Variants in NRXN3 observed in about 807,000 individuals in gnomAD.
NRXN3 encodes the protein neurexin III.
Under a neutral mutation model 137.6 loss-of-function variants are expected in NRXN3, and 32 were observed. The observed-to-expected ratio is 0.23, with a 90% CI of 0.18 to 0.31. The LOEUF (loss-of-function observed/expected upper bound fraction) is 0.31. Ranked by LOEUF, NRXN3 falls within the 10% of genes least tolerant of loss-of-function variation. NRXN3 has a pLI of 1.00. For synonymous variants in NRXN3, 798 were observed against 784.5 expected, an observed-to-expected ratio of 1.02 and a Z score of -0.29; for missense variants, 1,574 against 2,062.5, an observed-to-expected ratio of 0.76 and a Z score of 4.59.
chr14:78,497,931 AAT>A (rs545880058), intron 4 of NRXN3, among the ~76,000 whole-genome samples: 65 of 152,192 alleles, frequency 4.3e-4, no homozygotes, highest in African/African-American at 1.3e-3. Context: ...GTCCCGGAGG[AAT>A]AGTTTTAGTA....
At chr14:78,303,469 A>T (rs2077066698) in intron 4 of NRXN3, among the ~76,000 whole-genome samples, 1 of 152,160 alleles carries the variant, frequency 6.6e-6, no homozygotes. Flanking sequence ...TCTTGCTGTC[A>T]TTTATCTTCC....
chr14:78,314,995 T>TCCTTCCTTCCTTCCTTTC (rs1567236199), intron 4 of NRXN3, among the ~76,000 whole-genome samples: 10 of 19,988 alleles, frequency 5.0e-4, no homozygotes, highest in East Asian at 3.9e-3. Context: ...TCCTTTCTCT[T>TCCTTCCTTCCTTCCTTTC]TCTTTCTTTC....
chr14:78,930,595 G>T (rs1171445829), intron 10 of NRXN3, among the ~76,000 whole-genome samples: 2 of 152,156 alleles, frequency 1.3e-5, no homozygotes, highest in Admixed American at 1.3e-4. Flanking sequence ...TTAAGCTAAG[G>T]CAGGGAAGAA....
intron 16 of NRXN3, among the ~76,000 whole-genome samples, chr14:79,553,639 CAGA>C (rs753441851): frequency 6.6e-6 from 1 of 152,142 alleles, no homozygotes; most frequent in Non-Finnish European, 1.5e-5. Flanking sequence ...GGTATCTGCA[CAGA>C]AGGAGGAAGG....
chr14:79,496,277 G>A lies in NRXN3; in HGVS notation c.3444+28875G>A, dbSNP rs1350593864. Among the ~76,000 whole-genome samples the A allele has an allele frequency of 3.5e-5, 5 of 142,152 alleles. No homozygotes were observed. In the East Asian group the frequency reaches 1.1e-3, roughly 31 times the overall value. The allele number at this position is 142,152 out of a possible 152,430, so 93.3% of individuals were successfully genotyped here. A position where few individuals can be genotyped will look rare whatever the true frequency, so the allele number is the denominator to read the frequency against. On this transcript the variant is annotated intron_variant, in intron 16 of 20. Transcript: ENST00000335750. ...CACAGACACACACACACACACACAC[G>A]ACAACTGTGAGCTGTAAATCCATGG...
chr14:79,054,118 C>T (rs2099648877), intron 15 of NRXN3, among the ~76,000 whole-genome samples: 1 of 129,738 alleles, frequency 7.7e-6, no homozygotes, highest in Admixed American at 9.9e-5. Context: ...AATGAAAACA[C>T]ATGGACACAG....
At chr14:79,577,644 A>G (rs2097677599) in intron 16 of NRXN3, among the ~76,000 whole-genome samples, 1 of 152,206 alleles carries the variant, frequency 6.6e-6, no homozygotes, top group African/African-American at 2.4e-5. Flanking sequence ...TTTCTGCCTC[A>G]TTGGACAATA....
chr14:79,084,698 C>T (rs989688922), intron 15 of NRXN3, among the ~76,000 whole-genome samples: 1 of 152,008 alleles, frequency 6.6e-6, no homozygotes, highest in Non-Finnish European at 1.5e-5. Context: ...AATATGGTGA[C>T]TTTGGTTGGT....
chr14:79,553,855 G>A (rs1416013599), intron 16 of NRXN3, among the ~76,000 whole-genome samples: 1 of 152,074 alleles, frequency 6.6e-6, no homozygotes, highest in Non-Finnish European at 1.5e-5. Context: ...CTTTATCTTT[G>A]TTTTTACAAT....
At chr14:79,611,443 C>T in intron 16 of NRXN3, 1 of 152,264 alleles carries the variant, frequency 6.6e-6, no homozygotes, top group Admixed American at 6.5e-5. Flanking sequence ...ACTAAAAATA[C>T]AAAAAATTAG....
chr14:78,769,717 G>T (rs1362726428), intron 8 of NRXN3, among the ~76,000 whole-genome samples: 2 of 152,206 alleles, frequency 1.3e-5, no homozygotes, highest in East Asian at 3.9e-4. Context: ...GAATAGAAGA[G>T]ATATAACAGA....
intron 15 of NRXN3, among the ~76,000 whole-genome samples, chr14:79,144,042 C>T (rs2059064313): frequency 6.6e-6 from 1 of 152,142 alleles, no homozygotes; most frequent in South Asian, 2.1e-4. Flanking sequence ...GAAAACACTT[C>T]ATTGTTAGAA....
At chr14:79,418,195 A>T (rs1421152217) in intron 15 of NRXN3, among the ~76,000 whole-genome samples, 1 of 152,170 alleles carries the variant, frequency 6.6e-6, no homozygotes, top group African/African-American at 2.4e-5. Context: ...CATCCTGACT[A>T]TTCCTAGTCA....
At chr14:79,354,015 T>C (rs950142373) in intron 15 of NRXN3, among the ~76,000 whole-genome samples, 2 of 152,172 alleles carry the variant, frequency 1.3e-5, no homozygotes, top group African/African-American at 4.8e-5. Context: ...AGCTACGACA[T>C]CTTTTGTCAA....
chr14:78,515,355 C>A (rs2096187232), intron 4 of NRXN3, among the ~76,000 whole-genome samples: 1 of 151,978 alleles, frequency 6.6e-6, no homozygotes, highest in Non-Finnish European at 1.5e-5. Context: ...ATTTATTGTG[C>A]CAACTATGGT....
intron 14 of NRXN3, among the ~76,000 whole-genome samples, chr14:78,982,305 C>CA (rs2099491386): frequency 6.6e-6 from 1 of 152,054 alleles, no homozygotes; most frequent in South Asian, 2.1e-4. Context: ...ATAGAACCCT[C>CA]ACGCTATACC....
intron 16 of NRXN3, among the ~76,000 whole-genome samples, chr14:79,521,222 T>G (rs1210186448): frequency 6.6e-6 from 1 of 152,186 alleles, no homozygotes; most frequent in Non-Finnish European, 1.5e-5. Context: ...TCATATAGTT[T>G]CTCTTTTTCT....
chr14:79,257,559 A>ATGGTGGTGGTGGTGG (rs1455324209), intron 15 of NRXN3, among the ~76,000 whole-genome samples: 1 of 18,290 alleles, frequency 5.5e-5, no homozygotes. Context: ...GGTGGTGGTG[A>ATGGTGGTGGTGGTGG]TGGTGGTGGT....
chr14:78,626,329 A>G (rs1376344450), intron 4 of NRXN3, among the ~76,000 whole-genome samples: 1 of 152,206 alleles, frequency 6.6e-6, no homozygotes, highest in Non-Finnish European at 1.5e-5. Flanking sequence ...AGTTTGTGTC[A>G]TATTCAACAG....
Sources: gnomAD v4.1 joint callset for allele counts (sites outside exome capture counted in the v4.1 genomes callset) on GRCh38, gnomAD v4.1.1 for gene constraint, MANE v1.5 for transcripts, NCBI Gene and HGNC (gene_info 2026-07-23, HGNC 2026-07-21) for gene names.